The following EIF5B variants were observed in gnomAD, a reference collection of about 807,000 sequenced individuals.
EIF5B encodes eukaryotic translation initiation factor 5B, also known as eIF-5B.
In EIF5B, 47 loss-of-function variants were observed where a neutral mutation model predicts 147.5. The observed-to-expected ratio is 0.32, with a 90% confidence interval of 0.25 to 0.41. The LOEUF (loss-of-function observed/expected upper bound fraction) is 0.41. EIF5B is among the 10% of genes least tolerant of loss of function. The probability of loss-of-function intolerance (pLI) is 1.00; values close to 1 mark genes in which losing one functional copy is unlikely to be tolerated. For missense variants in EIF5B, 1,064 were observed against 1,413.2 expected, an observed-to-expected ratio of 0.75 and a Z score of 3.96; for synonymous variants, 455 against 456.2, an observed-to-expected ratio of 1.00 and a Z score of 0.03.
chr2:99,395,507 G>A (rs1474830092), intron 21 of EIF5B, among the ~76,000 whole-genome samples: 1 of 152,146 alleles, frequency 6.6e-6, no homozygotes, highest in Non-Finnish European at 1.5e-5. Context: ...CTAATTTTTT[G>A]TATTTTTGGT....
chr2:99,359,737 G>C (rs1007954825), intron 1 of EIF5B, among the ~76,000 whole-genome samples: 1 of 152,138 alleles, frequency 6.6e-6, no homozygotes, highest in Non-Finnish European at 1.5e-5. Context: ...TTCAATCCTT[G>C]TGCATTTTAG....
At chr2:99,385,845 C>T (rs1209369094) in intron 14 of EIF5B, among the ~76,000 whole-genome samples, 1 of 152,166 alleles carries the variant, frequency 6.6e-6, no homozygotes, top group Non-Finnish European at 1.5e-5. Context: ...TCCATATTTC[C>T]AGAAAAGTTC....
In EIF5B at chr2:99,361,372, AAAT is replaced by A. The variant is rs771979313; in HGVS notation, c.474_476del (p.Asn158del). On this transcript the variant is annotated inframe_deletion, in exon 4 of 24. Coordinates refer to ENST00000289371, the MANE Select transcript of EIF5B (RefSeq NM_015904.4). ...AAGCTAAAGGGAAAGCTCAAAAATC[AAAT>A]AAGAAGTGGGATGGGTCAGAGGAGG... The A allele has an allele frequency of 6.2e-7, 1 of 1,611,428 alleles. No individual in the cohort carries two copies. The highest frequency in any genetic ancestry group is 1.7e-4 in the Middle Eastern group (1 of 6,050).
Position 99,361,330 on chromosome 2 carries a change from T to C in EIF5B, c.429T>C (p.Phe143=). The change falls in exon 4 of 24, where the codon TTT becomes TTC. Residue 143 remains phenylalanine (F), a synonymous_variant. Transcript: ENST00000289371. Reference sequence around the variant, plus strand: ...CTGGGAGTGATGATGATGATGATTTTAACAAACTTCCTAAAAAAGCTAAAG... The same window carrying C: ...CTGGGAGTGATGATGATGATGATTTCAACAAACTTCCTAAAAAAGCTAAAG... The part of the protein sequence containing the change: ...MYSGSDDDDD[F]NKLPKKAKGK... 1 of 1,609,920 alleles carries C rather than the reference T, an allele frequency of 6.2e-7. No homozygotes were observed. The highest frequency in any genetic ancestry group is 8.5e-7 in the Non-Finnish European group (1 of 1,178,996).
intron 12 of EIF5B, among the ~76,000 whole-genome samples, chr2:99,380,581 G>T (rs1187896321): frequency 6.6e-6 from 1 of 152,166 alleles, no homozygotes; most frequent in Non-Finnish European, 1.5e-5. Flanking sequence ...TGAGAACTGG[G>T]CCTTGTTAAT....
intron 1 of EIF5B, among the ~76,000 whole-genome samples, chr2:99,349,985 CTT>C (rs943675773): frequency 1.3e-5 from 2 of 152,174 alleles, no homozygotes; most frequent in African/African-American, 4.8e-5. Context: ...CTATTCTACT[CTT>C]TACTTTTATG....
At chr2:99,359,407 C>A (rs12623620) in intron 1 of EIF5B, among the ~76,000 whole-genome samples, 17,230 of 152,010 alleles carry the variant, frequency 0.11, 1,282 homozygotes, top group East Asian at 0.27. Flanking sequence ...CTTTACTGAA[C>A]TAAAGCATCT....
chr2:99,396,864 A>G lies in EIF5B; in HGVS notation c.3359A>G (p.Lys1120Arg). 1 of 1,611,102 alleles carries G rather than the reference A, an allele frequency of 6.2e-7. No homozygotes were observed. Among genetic ancestry groups the G allele is most frequent in the Non-Finnish European group, 8.5e-7 (1 of 1,179,292 alleles). ...GTGACGGTGGAAGCAGGTCAGGTGAAACAGGGGACACCCATGTGTGTCCCA... is the reference window on the plus strand; with the variant it reads ...GTGACGGTGGAAGCAGGTCAGGTGAGACAGGGGACACCCATGTGTGTCCCA... Reference protein sequence around the residue: ...MGVTVEAGQVKQGTPMCVPSK... With the variant: ...MGVTVEAGQVRQGTPMCVPSK... The change falls in exon 22 of 24, where the codon AAA becomes AGA. Residue 1120 changes from lysine to arginine, a missense_variant. By Grantham distance (26) the Lys-to-Arg change is conservative. Around this residue, in one of 4 missense-constraint regions of EIF5B, gnomAD observed 380 missense variants for 715.6 expected, o/e 0.53. Coordinates refer to ENST00000289371, the MANE Select transcript of EIF5B (RefSeq NM_015904.4).
intron 1 of EIF5B, among the ~76,000 whole-genome samples, chr2:99,345,033 C>G (rs1253083709): frequency 6.6e-6 from 1 of 152,090 alleles, no homozygotes; most frequent in Non-Finnish European, 1.5e-5. Flanking sequence ...AATTCACATA[C>G]AATGGAATCG....
intron 18 of EIF5B, 124 bp from the exon 19 acceptor site, chr2:99,394,143 T>C (rs1574942157): frequency 7.9e-7 from 1 of 1,262,442 alleles, no homozygotes; most frequent in South Asian, 1.7e-5. Flanking sequence ...TGCCTTGCTC[T>C]ATCTAAGCCT....
chr2:99,369,407 A>G lies in EIF5B; in HGVS notation c.1403A>G (p.Glu468Gly), dbSNP rs780962619. ...LESKEVSESM[E>G]LCAAVEVMEQ... ...CCTTTTTCAGTGTCTGAATCAATGG[A>G]ATTATGTGCTGCTGTAGAAGTTATG... The change falls in exon 8 of 24, where the codon GAA becomes GGA. Residue 468 changes from glutamate to glycine, a missense_variant. Physicochemically the swap from Glu to Gly is moderately conservative, Grantham distance 98 (BLOSUM62 -2). Around this residue, in one of 4 missense-constraint regions of EIF5B, gnomAD observed 195 missense variants for 186.3 expected, o/e 1.05. Coordinates refer to ENST00000289371, the MANE Select transcript of EIF5B (RefSeq NM_015904.4). 6.2e-7 allele frequency: 1 copy of G among 1,610,904 alleles called. No individual in the cohort carries two copies. Among genetic ancestry groups the G allele is most frequent in the South Asian group, 1.1e-5 (1 of 90,604 alleles).
In EIF5B at chr2:99,361,288, G is replaced by A. The variant is rs755059876; in HGVS notation, c.387G>A (p.Pro129=). The A allele has an allele frequency of 1.2e-5, 20 of 1,612,508 alleles. No homozygotes were observed. The highest frequency in any genetic ancestry group is 8.8e-5 in the South Asian group (8 of 90,494). ...CAAAATCAAAAAAGACTGCAAAACC[G>A]AAAGTGGAAATGTACTCTGGGAGTG... ...KDSKSKKTAK[P]KVEMYSGSDD... Residue 129 remains proline (P), a synonymous_variant, in exon 4 of 24, where the codon CCG becomes CCA. Coordinates refer to ENST00000289371, the MANE Select transcript of EIF5B (RefSeq NM_015904.4).
At chr2:99,394,218 G>C in intron 18 of EIF5B, 49 bp from the exon 19 acceptor site, 1 of 1,561,448 alleles carries the variant, frequency 6.4e-7, no homozygotes, top group South Asian at 1.2e-5. Context: ...CTAGACTGCT[G>C]AGGATAGAGG....
At position 99,366,273 on chromosome 2, in the gene EIF5B, AG is replaced by A. The variant is rs947363423; in HGVS notation, c.1288+1853del. ...TTATTTGAGAGTCTGAGACTAGAGCAGTAGTCAGTTGATTAAGTCTAGGGTG... is the reference window on the plus strand; with the variant it reads ...TTATTTGAGAGTCTGAGACTAGAGCATAGTCAGTTGATTAAGTCTAGGGTG... On this transcript the variant is annotated intron_variant, in intron 6 of 23. Coordinates refer to ENST00000289371, the MANE Select transcript of EIF5B (RefSeq NM_015904.4). Among the ~76,000 whole-genome samples the A allele has an allele frequency of 7.0e-4, 106 of 152,352 alleles. 1 individual carries two copies. Among genetic ancestry groups the A allele is most frequent in the African/African-American group, 2.5e-3 (103 of 41,596 alleles).
chr2:99,339,006 ATTTTTT>A (rs1189175387), intron 1 of EIF5B, among the ~76,000 whole-genome samples: 1 of 137,204 alleles, frequency 7.3e-6, no homozygotes, highest in Non-Finnish European at 1.6e-5. Flanking sequence ...ATATATATAC[ATTTTTT>A]TTTTTTTTTT....
chr2:99,353,705 C>A (rs1396366948), intron 1 of EIF5B, among the ~76,000 whole-genome samples: 1 of 152,198 alleles, frequency 6.6e-6, no homozygotes, highest in Non-Finnish European at 1.5e-5. Flanking sequence ...CCTCACCTGT[C>A]TCTAACCTCA....
At chr2:99,345,215 T>A (rs2094269812) in intron 1 of EIF5B, among the ~76,000 whole-genome samples, 1 of 152,222 alleles carries the variant, frequency 6.6e-6, no homozygotes, top group Non-Finnish European at 1.5e-5. Context: ...TTGAAACTGG[T>A]TAGCCTTGCC....
At chr2:99,359,668 T>C (rs1340593491) in intron 1 of EIF5B, among the ~76,000 whole-genome samples, 1 of 152,246 alleles carries the variant, frequency 6.6e-6, no homozygotes, top group African/African-American at 2.4e-5. Flanking sequence ...GTATTTTATT[T>C]AGTGAATCAT....
chr2:99,391,564 C>T (rs1338865664), intron 17 of EIF5B, among the ~76,000 whole-genome samples: 1 of 152,154 alleles, frequency 6.6e-6, no homozygotes, highest in Non-Finnish European at 1.5e-5. Flanking sequence ...GCCTTCCCCT[C>T]CTACCCCCTG....
Sources: gnomAD v4.1 joint callset for allele counts (sites outside exome capture counted in the v4.1 genomes callset) on GRCh38, gnomAD v4.1.1 for gene constraint, gnomAD v4.1.1 regional missense constraint, MANE v1.5 for transcripts, NCBI Gene and HGNC (gene_info 2026-07-23, HGNC 2026-07-21) for gene names.